Variants in BMI1 observed in about 807,000 individuals in gnomAD.
The protein encoded by BMI1 is BMI1 proto-oncogene, polycomb ring finger.
In BMI1, 9 loss-of-function variants were observed where a neutral mutation model predicts 39.1. That is an observed-to-expected ratio of 0.23 (90% confidence interval 0.14 to 0.40). The LOEUF (loss-of-function observed/expected upper bound fraction) is 0.40. Among genes scored for constraint, BMI1 ranks in the 10% least tolerant of loss-of-function variants. The pLI, the probability that BMI1 is intolerant of heterozygous loss-of-function variation, is 1.00. For synonymous variants in BMI1, 131 were observed against 127.9 expected (o/e 1.02, Z -0.16); for missense variants, 252 against 390.8 (o/e 0.64, Z 2.99).
chr10:22,326,739 A>G (rs571560919), intron 2 of BMI1, 151 bp from the exon 3 acceptor site: 6 of 1,282,506 alleles, frequency 4.7e-6, no homozygotes, highest in Middle Eastern at 2.7e-4. Context: ...TATTACAAGC[A>G]TGCAATATAT....
At chr10:22,327,880 C>A in intron 5 of BMI1, 70 bp from the exon 6 acceptor site, 1 of 1,592,138 alleles carries the variant, frequency 6.3e-7, no homozygotes, top group Non-Finnish European at 8.5e-7. Context: ...TTTACCACTT[C>A]CATCCTCTTA....
rs1370355215 is a variant in BMI1 at position 22,326,507 on chromosome 10, C to T, written c.58C>T (p.Leu20Phe). The T allele has an allele frequency of 6.2e-7, 1 of 1,614,044 alleles. No homozygotes were observed. The highest frequency in any genetic ancestry group is 2.2e-5 in the East Asian group (1 of 44,874). Residue 20 changes from leucine to phenylalanine, a missense_variant, in exon 2 of 10, where the codon CTT becomes TTT. Around this residue, in one of 4 missense-constraint regions of BMI1, gnomAD observed 62 missense variants for 123.3 expected, o/e 0.50. Transcript: ENST00000376663. ...GCTAAATCCCCACCTGATGTGTGTG[C>T]TTTGTGGAGGGTACTTCATTGATGC... The part of the protein sequence containing the change: ...TELNPHLMCV[L>F]CGGYFIDATT...
Position 22,330,668 on chromosome 10 carries a change from G to C in BMI1, c.*1126G>C, listed in dbSNP as rs1836263953. On this transcript the variant is annotated 3_prime_UTR_variant, in exon 10 of 10. Transcript: ENST00000376663. ...ATAAACCAGCAGGTTGCTAAAAGAA[G>C]GCATTTTATCTAAAGTTATTTTAAT... 1 of 152,178 alleles carries C rather than the reference G, an allele frequency of 6.6e-6. No homozygotes were observed. Among genetic ancestry groups the C allele is most frequent in the South Asian group, 2.1e-4 (1 of 4,834 alleles). 9.4% of individuals were successfully genotyped at this position (152,178 alleles called of 1,614,324 possible). A position where few individuals can be genotyped will look rare whatever the true frequency, so the allele number is the denominator to read the frequency against.
intron 1 of BMI1, among the ~76,000 whole-genome samples, chr10:22,323,396 G>A (rs1321193863): frequency 6.6e-6 from 1 of 152,138 alleles, no homozygotes; most frequent in South Asian, 2.1e-4. Context: ...AAGTCACTTT[G>A]TATGCATGTA....
In BMI1 at chr10:22,326,618, G is replaced by T. The variant is rs150946019; in HGVS notation, c.112+57G>T. 731 of 1,580,392 alleles carry T rather than the reference G, an allele frequency of 4.6e-4. 1 individual carries two copies. The highest frequency in any genetic ancestry group is 6.0e-4 in the Non-Finnish European group (699 of 1,165,026). On this transcript the variant is annotated intron_variant, in intron 2 of 9. Coordinates refer to ENST00000376663, the MANE Select transcript of BMI1 (RefSeq NM_005180.9). Reference sequence around the variant, plus strand: ...CATGCGTATTTCACAGTTCGACCTGGAATTTGAAAACTGTTAATGATTCCT... The same window carrying T: ...CATGCGTATTTCACAGTTCGACCTGTAATTTGAAAACTGTTAATGATTCCT...
intron 1 of BMI1, among the ~76,000 whole-genome samples, chr10:22,323,479 A>C (rs1391591660): frequency 6.6e-6 from 1 of 152,212 alleles, no homozygotes; most frequent in African/African-American, 2.4e-5. Flanking sequence ...TCTATCACTA[A>C]CTTCTTGGAT....
intron 1 of BMI1, among the ~76,000 whole-genome samples, chr10:22,325,116 C>G (rs887070240): frequency 3.3e-5 from 5 of 152,228 alleles, no homozygotes; most frequent in African/African-American, 1.2e-4. Context: ...GGGCTTTGCC[C>G]TCTCCTCTTC....
In BMI1 at chr10:22,326,900, G is replaced by C; in HGVS notation, c.123G>C (p.Thr41=). The C allele has an allele frequency of 6.2e-7, 1 of 1,613,830 alleles. No individual in the cohort carries two copies. Among genetic ancestry groups the C allele is most frequent in the Non-Finnish European group, 8.5e-7 (1 of 1,179,864 alleles). The change falls in exon 3 of 10, where the codon ACG becomes ACC. Residue 41 remains threonine, a synonymous_variant. Coordinates refer to ENST00000376663, the MANE Select transcript of BMI1 (RefSeq NM_005180.9). The part of the protein sequence containing the change: ...IIECLHSFCK[T]CIVRYLETSK... Reference sequence around the variant, plus strand: ...ATGTTCTACTTCTAGTCTGTAAAACGTGTATTGTTCGTTACCTGGAGACCA... The same window carrying C: ...ATGTTCTACTTCTAGTCTGTAAAACCTGTATTGTTCGTTACCTGGAGACCA...
In BMI1 at chr10:22,326,466, G is replaced by T. The variant is rs1220132289; in HGVS notation, c.17G>T (p.Arg6Ile). The change falls in exon 2 of 10, where the codon AGA becomes ATA. Residue 6 changes from arginine to isoleucine, a missense_variant. By Grantham distance (97) the Arg-to-Ile change is moderately conservative (BLOSUM62 -3). Transcript: ENST00000376663. MHRTT[R>I]IKITELNPHL... ...CAAGCAGAAATGCATCGAACAACGA[G>T]AATCAAGATCACTGAGCTAAATCCC... 1 of 1,613,844 alleles carries T rather than the reference G, an allele frequency of 6.2e-7. No homozygotes were observed. Among genetic ancestry groups the T allele is most frequent in the African/African-American group, 1.3e-5 (1 of 75,012 alleles).
intron 1 of BMI1, among the ~76,000 whole-genome samples, chr10:22,324,195 C>T (rs549621110): frequency 6.6e-6 from 1 of 152,254 alleles, no homozygotes; most frequent in East Asian, 1.9e-4. Flanking sequence ...ATAAAGGCAG[C>T]TATTTTTATT....
At chr10:22,326,255 AGTTTG>A (rs1225760381) in intron 1 of BMI1, among the ~76,000 whole-genome samples, 171 bp from the exon 2 acceptor site, 2 of 152,038 alleles carry the variant, frequency 1.3e-5, no homozygotes, top group African/African-American at 4.8e-5. Context: ...CTTTTGCATC[AGTTTG>A]GTAGAACTGA....
At chr10:22,331,643 T>C (rs1209830203), downstream of BMI1, among the ~76,000 whole-genome samples, 1 of 152,148 alleles carries the variant, frequency 6.6e-6, no homozygotes, top group African/African-American at 2.4e-5. Flanking sequence ...TAAATGCTAG[T>C]GGACTGTCAT....
intron 1 of BMI1, among the ~76,000 whole-genome samples, 172 bp downstream of exon 1, chr10:22,321,868 G>T (rs1025165153): frequency 8.4e-5 from 12 of 142,110 alleles, no homozygotes; most frequent in African/African-American, 3.0e-4. Context: ...CCCGCCCCGC[G>T]CCTGCCGGCC....
chr10:22,328,760 C>T (rs192504339), intron 8 of BMI1, 62 bp downstream of exon 8: 35 of 1,486,514 alleles, frequency 2.4e-5, no homozygotes, highest in Admixed American at 2.2e-4. Context: ...TTACATTTTT[C>T]ACTTTGGATT....
At chr10:22,327,240 T>A (rs1307944959) in intron 3 of BMI1, among the ~76,000 whole-genome samples, 1 of 152,200 alleles carries the variant, frequency 6.6e-6, no homozygotes, top group Non-Finnish European at 1.5e-5. Flanking sequence ...TTAGTTCACC[T>A]TTTTTGCATT....
intron 2 of BMI1, 115 bp from the exon 3 acceptor site, chr10:22,326,775 A>ATT: frequency 7.2e-7 from 1 of 1,384,684 alleles, no homozygotes; most frequent in Non-Finnish European, 1.0e-6. Flanking sequence ...GAATTAGCTT[A>ATT]TTTAGTTGGA....
Position 22,330,427 on chromosome 10 carries a change from C to T in BMI1, c.*885C>T, listed in dbSNP as rs1454007359. On this transcript the variant is annotated 3_prime_UTR_variant, in exon 10 of 10. Coordinates refer to ENST00000376663, the MANE Select transcript of BMI1 (RefSeq NM_005180.9). ...ATATTTTTAATGTGGATATCTAATT[C>T]TAAAGTCTGTTCCATTAGAAGCAAT... 6.6e-6 allele frequency: 1 copy of T among 152,548 alleles called. No individual in the cohort carries two copies. The highest frequency in any genetic ancestry group is 6.5e-5 in the Admixed American group (1 of 15,280). 9.4% of individuals were successfully genotyped at this position (152,548 alleles called of 1,614,324 possible).
chr10:22,329,111 A>G lies in BMI1; in HGVS notation c.634A>G (p.Ile212Val). The part of the protein sequence containing the change: ...DYYTLMDIAY[I>V]YTWRRNGPLP... Reference sequence around the variant, plus strand: ...TTATACACTAATGGATATTGCCTACATTTATACCTGGAGAAGGGTAAGTAG... The same window carrying G: ...TTATACACTAATGGATATTGCCTACGTTTATACCTGGAGAAGGGTAAGTAG... Residue 212 changes from isoleucine to valine, a missense_variant, in exon 9 of 10, where the codon ATT (isoleucine) becomes GTT (valine). Coordinates refer to ENST00000376663, the MANE Select transcript of BMI1 (RefSeq NM_005180.9). The G allele has an allele frequency of 1.9e-6, 3 of 1,613,224 alleles. No individual in the cohort carries two copies. Among genetic ancestry groups the G allele is most frequent in the Non-Finnish European group, 2.5e-6 (3 of 1,179,684 alleles).
At chr10:22,331,496 T>G (rs767051417), downstream of BMI1, 8 of 152,178 alleles carry the variant, frequency 5.3e-5, no homozygotes, top group Admixed American at 6.5e-5. Flanking sequence ...TTTGGTGAAT[T>G]TAACTCATTT....
Sources: allele counts gnomAD v4.1 joint callset (sites outside exome capture counted in the v4.1 genomes callset), GRCh38; gene constraint gnomAD v4.1.1; regional missense constraint gnomAD v4.1.1; transcripts MANE v1.5; gene names NCBI Gene and HGNC (gene_info 2026-07-23, HGNC 2026-07-21).